Variants in ZBBX observed in about 807,000 individuals in gnomAD.
ZBBX encodes zinc finger B-box domain-containing protein 1.
Under a neutral mutation model 108.5 loss-of-function variants are expected in ZBBX, and 101 were observed. The ratio of observed to expected loss-of-function variants is 0.93; its 90% CI spans 0.79 to 1.10. The LOEUF is 1.10. Among genes scored for constraint, ZBBX ranks in the 50% least tolerant of loss-of-function variants. The pLI is 0.00. For synonymous variants in ZBBX, 356 were observed against 323.4 expected, an observed-to-expected ratio of 1.10 and a Z score of -1.08; for missense variants, 1,009 against 941.4, an observed-to-expected ratio of 1.07 and a Z score of -0.94.
chr3:167,343,403 A>G (rs1740893424), intron 9 of ZBBX, among the ~76,000 whole-genome samples: 1 of 151,644 alleles, frequency 6.6e-6, no homozygotes, highest in Admixed American at 6.6e-5. Context: ...ACATTCTCCC[A>G]ACTCTTCATT....
the ZBBX span, among the ~76,000 whole-genome samples, chr3:167,208,547 T>C: frequency 6.6e-6 from 1 of 152,200 alleles, no homozygotes; most frequent in South Asian, 2.1e-4. Context: ...GGATAACATT[T>C]CTAGACACAT....
At chr3:167,241,118 C>A (rs1377247358) in intron 21 of ZBBX, among the ~76,000 whole-genome samples, 199 bp from the exon 22 acceptor site, 1 of 152,134 alleles carries the variant, frequency 6.6e-6, no homozygotes, top group Non-Finnish European at 1.5e-5. Context: ...ATCATTCTCC[C>A]TCTCCCAAGA....
chr3:167,304,187 G>C lies in ZBBX; in HGVS notation c.1725+1456C>G, dbSNP rs191293706. Among the ~76,000 whole-genome samples the C allele has an allele frequency of 5.0e-3, 761 of 152,230 alleles. 5 individuals carry two copies. Among genetic ancestry groups the C allele is most frequent in the Admixed American group, 9.0e-3 (138 of 15,300 alleles). On this transcript the variant is annotated intron_variant, in intron 17 of 21. Coordinates refer to ENST00000675490, the MANE Select transcript of ZBBX (RefSeq NM_001199201.2). ...TAGAGATTGAGTCTCTCTCTCTAGA[G>C]CAAAGAGCAGGTTTGTTTACTGTCT...
intron 8 of ZBBX, among the ~76,000 whole-genome samples, chr3:167,357,993 A>C (rs907641654): frequency 1.3e-5 from 2 of 152,118 alleles, no homozygotes; most frequent in African/African-American, 4.8e-5. Context: ...ACATGGACAC[A>C]AGAAGGGGAA....
At chr3:167,225,016 G>T in the ZBBX span, among the ~76,000 whole-genome samples, 1 of 151,760 alleles carries the variant, frequency 6.6e-6, no homozygotes, top group Non-Finnish European at 1.5e-5. Flanking sequence ...ACCCTTTTTG[G>T]TTCTTCCACA....
the ZBBX span, among the ~76,000 whole-genome samples, chr3:167,192,012 ATAGT>A: frequency 6.8e-6 from 1 of 147,876 alleles, no homozygotes; most frequent in East Asian, 2.1e-4. Context: ...CAATCTCCCC[ATAGT>A]TAGGTTTTAT....
chr3:167,345,333 G>A (rs756408722), intron 9 of ZBBX, among the ~76,000 whole-genome samples: 2 of 151,748 alleles, frequency 1.3e-5, no homozygotes, highest in Non-Finnish European at 2.9e-5. Flanking sequence ...AGAAATGCCA[G>A]GTGATAACAA....
chr3:167,243,421 A>C (rs1226458603), intron 20 of ZBBX, among the ~76,000 whole-genome samples: 1 of 151,186 alleles, frequency 6.6e-6, no homozygotes, highest in Non-Finnish European at 1.5e-5. Flanking sequence ...TTTTTTAGAC[A>C]GAATTTCGGT....
the ZBBX span, among the ~76,000 whole-genome samples, chr3:167,194,184 A>C: frequency 6.6e-6 from 1 of 150,488 alleles, no homozygotes; most frequent in Non-Finnish European, 1.5e-5. Flanking sequence ...ACCCTGATTA[A>C]TTATTACTAT....
At chr3:167,271,631 A>C (rs936991750) in intron 20 of ZBBX, among the ~76,000 whole-genome samples, 2 of 152,192 alleles carry the variant, frequency 1.3e-5, no homozygotes, top group African/African-American at 4.8e-5. Flanking sequence ...CTCAGAGTTC[A>C]TGGGTGTATA....
At chr3:167,385,861 T>C (rs879634731) in intron 1 of ZBBX, among the ~76,000 whole-genome samples, 4 of 152,040 alleles carry the variant, frequency 2.6e-5, no homozygotes, top group Non-Finnish European at 2.9e-5. Context: ...TGCATAACTG[T>C]ATAAGGTTAG....
At chr3:167,193,243 A>G in the ZBBX span, among the ~76,000 whole-genome samples, 1 of 152,286 alleles carries the variant, frequency 6.6e-6, no homozygotes, top group South Asian at 2.1e-4. Context: ...CTAGTAAACA[A>G]TCAAAGTATC....
chr3:167,366,055 G>T, intron 5 of ZBBX, 79 bp from the exon 6 acceptor site: 2 of 1,103,926 alleles, frequency 1.8e-6, no homozygotes, highest in Non-Finnish European at 2.6e-6. Flanking sequence ...CAGTGTTCCT[G>T]TTTCAGAAAA....
intron 20 of ZBBX, among the ~76,000 whole-genome samples, chr3:167,274,353 T>C (rs1727095559): frequency 6.6e-6 from 1 of 152,166 alleles, no homozygotes. Context: ...CGTGGGCTAG[T>C]ACAAAAGCTT....
At chr3:167,330,941 T>TC (rs1738458928) in intron 10 of ZBBX, among the ~76,000 whole-genome samples, 1 of 12,580 alleles carries the variant, frequency 7.9e-5, no homozygotes, top group East Asian at 4.2e-3. Context: ...TCTCCTCTCT[T>TC]TCTTTCTCTC....
At chr3:167,196,827 A>G in the ZBBX span, among the ~76,000 whole-genome samples, 3 of 150,064 alleles carry the variant, frequency 2.0e-5, no homozygotes, top group Non-Finnish European at 4.4e-5. Context: ...TGGGTACCTG[A>G]GTTTAAAAAA....
chr3:167,252,844 C>T (rs1249677280), intron 20 of ZBBX, among the ~76,000 whole-genome samples: 2 of 152,058 alleles, frequency 1.3e-5, no homozygotes, highest in East Asian at 1.9e-4. Flanking sequence ...AAAAGACTAG[C>T]GTTTGTACAC....
chr3:167,257,579 G>C (rs919041838), intron 20 of ZBBX, among the ~76,000 whole-genome samples: 4 of 152,010 alleles, frequency 2.6e-5, no homozygotes. Context: ...TTTTTTAAAG[G>C]TTTTCATCAT....
At chr3:167,253,845 G>A (rs1204090240) in intron 20 of ZBBX, among the ~76,000 whole-genome samples, 1 of 151,960 alleles carries the variant, frequency 6.6e-6, no homozygotes, top group African/African-American at 2.4e-5. Flanking sequence ...CATAAAATTT[G>A]GTAGAAAACA....
Sources: allele counts gnomAD v4.1 joint callset (sites outside exome capture counted in the v4.1 genomes callset), GRCh38; gene constraint gnomAD v4.1.1; transcripts MANE v1.5; gene names NCBI Gene and HGNC (gene_info 2026-07-23, HGNC 2026-07-21).